NFIB: variants seen among roughly 807,000 people sequenced by gnomAD.
NFIB encodes nuclear factor I B.
Under a neutral mutation model 61.5 loss-of-function variants are expected in NFIB, and 11 were observed. That is an observed-to-expected ratio of 0.18 (90% CI 0.11 to 0.30). The LOEUF is 0.30. Among genes scored for constraint, NFIB ranks in the 10% least tolerant of loss-of-function variants. NFIB has a pLI of 1.00. For missense variants in NFIB, 471 were observed against 608.9 expected (o/e 0.77, Z 2.38); for synonymous variants, 260 against 216.5 (o/e 1.20, Z -1.76).
At chr9:14,186,934 T>C (rs1333866748) in intron 2 of NFIB, among the ~76,000 whole-genome samples, 1 of 152,056 alleles carries the variant, frequency 6.6e-6, no homozygotes, top group East Asian at 1.9e-4. Context: ...AGTGTTTTCC[T>C]TGCCTCTCAT....
At position 14,307,848 on chromosome 9, in the gene NFIB, C is replaced by A. The variant is rs2060095088; in HGVS notation, c.31-328G>T. ...CATTCTACATTCTTTAAAATATAGG[C>A]AACTAACTAAGGTGCTTGGCACCTA... On this transcript the variant is annotated intron_variant, in intron 1 of 10. Transcript: ENST00000380953. The surrounding 1 kb of genome is among the most constrained non-coding windows in gnomAD (Gnocchi z 5.3). 1 of 200,834 alleles carries A rather than the reference C, an allele frequency of 5.0e-6. No individual in the cohort carries two copies. 12.4% of individuals were successfully genotyped at this position (200,834 alleles called of 1,614,324 possible). A position where few individuals can be genotyped will look rare whatever the true frequency, so the allele number is the denominator to read the frequency against.
intron 2 of NFIB, among the ~76,000 whole-genome samples, chr9:14,294,754 G>A (rs2059316115): frequency 6.6e-6 from 1 of 152,166 alleles, no homozygotes; most frequent in Non-Finnish European, 1.5e-5. Flanking sequence ...CCCTAGGTAC[G>A]TGATACACTT....
chr9:14,229,045 T>A (rs10961434), intron 2 of NFIB, among the ~76,000 whole-genome samples: 38,508 of 149,160 alleles, frequency 0.26, 6,226 homozygotes, highest in East Asian at 0.61. Flanking sequence ...AAAAAAACAG[T>A]AGTAGAGAAA....
chr9:14,455,156 AAT>A, the NFIB span, among the ~76,000 whole-genome samples: 3 of 152,202 alleles, frequency 2.0e-5, no homozygotes, highest in Non-Finnish European at 4.4e-5. Context: ...TGAATGAATT[AAT>A]AGAGATATGT....
chr9:14,487,364 G>T, the NFIB span, among the ~76,000 whole-genome samples: 1 of 152,188 alleles, frequency 6.6e-6, no homozygotes, highest in Non-Finnish European at 1.5e-5. Context: ...TTAATTTAGG[G>T]AAAGCATGTA....
intron 1 of NFIB, chr9:14,357,111 T>C (rs2061185123): frequency 6.6e-6 from 1 of 152,128 alleles, no homozygotes; most frequent in East Asian, 1.9e-4. Context: ...TGGAAAAGAG[T>C]TGCTGTATAA....
chr9:14,116,939 T>A (rs1040347991), intron 8 of NFIB, among the ~76,000 whole-genome samples: 1 of 152,224 alleles, frequency 6.6e-6, no homozygotes, highest in African/African-American at 2.4e-5. Context: ...GATGCACACA[T>A]TAGGCAATTT....
chr9:14,127,133 T>G (rs1211454539), intron 6 of NFIB, among the ~76,000 whole-genome samples: 1 of 152,194 alleles, frequency 6.6e-6, no homozygotes, highest in East Asian at 1.9e-4. Context: ...CAATAAATAT[T>G]TTAACAGGGT....
At chr9:14,401,772 C>T (rs2061745256), upstream of NFIB, among the ~76,000 whole-genome samples, 1 of 152,140 alleles carries the variant, frequency 6.6e-6, no homozygotes, top group South Asian at 2.1e-4. Flanking sequence ...ATGGGAGGCA[C>T]ATCCTAGGCT....
At chr9:14,269,385 T>G (rs188933642) in intron 2 of NFIB, among the ~76,000 whole-genome samples, 148 of 152,318 alleles carry the variant, frequency 9.7e-4, no homozygotes, top group African/African-American at 3.4e-3. Flanking sequence ...AGGATCAAAC[T>G]ATAATCGTGT....
chr9:14,141,902 C>CAAAAAAAAAAAAAAAAAAAAAAA (rs1207435536), intron 6 of NFIB, among the ~76,000 whole-genome samples: 1 of 53,586 alleles, frequency 1.9e-5, no homozygotes, highest in African/African-American at 7.2e-5. Flanking sequence ...CTGCTGCTCA[C>CAAAAAAAAAAAAAAAAAAAAAAA]AAAAAAAAAA....
chr9:14,457,600 C>A, the NFIB span, among the ~76,000 whole-genome samples: 2 of 148,514 alleles, frequency 1.3e-5, no homozygotes, highest in South Asian at 2.1e-4. Context: ...AAAAGATCAA[C>A]AAAATTGATA....
At chr9:14,499,895 T>C in the NFIB span, among the ~76,000 whole-genome samples, 27 of 152,196 alleles carry the variant, frequency 1.8e-4, no homozygotes, top group Non-Finnish European at 4.4e-5. Flanking sequence ...TCAATCACCC[T>C]TAAAAGAGCA....
intron 2 of NFIB, among the ~76,000 whole-genome samples, chr9:14,287,403 T>C (rs1322609466): frequency 6.7e-6 from 1 of 149,932 alleles, no homozygotes; most frequent in Non-Finnish European, 1.5e-5. Flanking sequence ...CACTCCAGCC[T>C]GGGTGACAGA....
chr9:14,315,510 G>T (rs970483677), upstream of NFIB, among the ~76,000 whole-genome samples: 780 of 144,746 alleles, frequency 5.4e-3, 6 homozygotes, highest in Non-Finnish European at 8.7e-3. Context: ...CCGGGTGCAG[G>T]CGGGGCGGGG....
At chr9:14,287,222 G>A (rs1391003482) in intron 2 of NFIB, among the ~76,000 whole-genome samples, 2 of 151,144 alleles carry the variant, frequency 1.3e-5, no homozygotes, top group Non-Finnish European at 2.9e-5. Flanking sequence ...ACGAGGTCAG[G>A]AGATCGAGAC....
At chr9:14,470,977 C>T in the NFIB span, among the ~76,000 whole-genome samples, 1 of 152,124 alleles carries the variant, frequency 6.6e-6, no homozygotes, top group Non-Finnish European at 1.5e-5. Context: ...AAAAGCTGAC[C>T]TTGGACCTGA....
intron 3 of NFIB, among the ~76,000 whole-genome samples, chr9:14,176,396 C>T (rs914282786): frequency 2.3e-4 from 35 of 152,176 alleles, no homozygotes; most frequent in Admixed American, 2.3e-3. Context: ...ATGCCATGTC[C>T]TTGGGTGCTA....
At chr9:14,263,053 C>G (rs1022864000) in intron 2 of NFIB, among the ~76,000 whole-genome samples, 3 of 152,188 alleles carry the variant, frequency 2.0e-5, no homozygotes, top group African/African-American at 7.2e-5. Context: ...TCTCCAAGTA[C>G]TGCGGCATGC....
Sources: allele counts gnomAD v4.1 joint callset (sites outside exome capture counted in the v4.1 genomes callset), GRCh38; gene constraint gnomAD v4.1.1; non-coding constraint Gnocchi (gnomAD v3.1); transcripts MANE v1.5; gene names NCBI Gene and HGNC (gene_info 2026-07-23, HGNC 2026-07-21).